Variants in MCM9 observed in about 807,000 individuals in gnomAD.
MCM9 encodes minichromosome maintenance 9 homologous recombination repair factor.
Under a neutral mutation model 72.8 loss-of-function variants are expected in MCM9, and 55 were observed. The ratio of observed to expected loss-of-function variants is 0.76; its 90% CI spans 0.61 to 0.95. The LOEUF (loss-of-function observed/expected upper bound fraction) is 0.95, where lower values mean the gene tolerates loss of function less well. MCM9 is among the 40% of genes least tolerant of loss of function. The pLI is 0.00. For missense variants in MCM9, 1,279 were observed against 1,377.0 expected, an observed-to-expected ratio of 0.93 and a Z score of 1.13; for synonymous variants, 480 against 503.4, an observed-to-expected ratio of 0.95 and a Z score of 0.62.
chr6:118,867,476 C>T (rs952073881), intron 8 of MCM9, among the ~76,000 whole-genome samples: 7 of 152,128 alleles, frequency 4.6e-5, no homozygotes, highest in East Asian at 1.9e-4. Flanking sequence ...ACTAATCCAG[C>T]GCAACTTCCA....
At position 118,931,718 on chromosome 6, in the gene MCM9, A is replaced by C. The variant is rs115231232; in HGVS notation, c.6T>G (p.Asn2Lys). 1.0e-5 allele frequency: 16 copies of C among 1,605,336 alleles called. No homozygotes were observed. In the East Asian group the frequency reaches 2.7e-4, roughly 27 times the overall value. M[N>K]SDQVTLVGQV... The stretch of plus-strand genomic sequence containing the variant: ...GACCAACCAGTGTAACTTGATCGCT[A>C]TTCATCTTGAATCTAGGTAACTAAA... Residue 2 changes from asparagine (N) to lysine (K), a missense_variant, in exon 3 of 14, where the codon AAT (asparagine) becomes AAG (lysine). By Grantham distance (94) the Asn-to-Lys change is moderately conservative (BLOSUM62 0). Transcript: ENST00000619706.
chr6:118,837,331 G>C (rs1411520644), intron 9 of MCM9, among the ~76,000 whole-genome samples: 1 of 152,210 alleles, frequency 6.6e-6, no homozygotes, highest in African/African-American at 2.4e-5. Flanking sequence ...GTGCTGAGAA[G>C]AATGTATATT....
At chr6:118,869,549 G>A (rs1274638937) in intron 8 of MCM9, among the ~76,000 whole-genome samples, 1 of 84,748 alleles carries the variant, frequency 1.2e-5, no homozygotes, top group East Asian at 4.0e-4. Flanking sequence ...AATATAGAAA[G>A]TCATCAAACC....
At chr6:118,887,186 T>C (rs1174869375) in intron 8 of MCM9, among the ~76,000 whole-genome samples, 1 of 152,014 alleles carries the variant, frequency 6.6e-6, no homozygotes, top group Admixed American at 6.5e-5. Context: ...ATAGCCAATA[T>C]TGAAAAAAAA....
Position 118,814,296 on chromosome 6 carries a change from T to A in MCM9, c.*528A>T, listed in dbSNP as rs1773275641. 1 of 148,622 alleles carries A rather than the reference T, an allele frequency of 6.7e-6. No homozygotes were observed. 9.2% of individuals were successfully genotyped at this position (148,622 alleles called of 1,614,324 possible). On this transcript the variant is annotated 3_prime_UTR_variant, in exon 14 of 14. Transcript: ENST00000619706. Reference sequence around the variant, plus strand: ...TCACATTTAACCTGATCCACACAAATCAATACAAAAATAATACTAGAAAAA... The same window carrying A: ...TCACATTTAACCTGATCCACACAAAACAATACAAAAATAATACTAGAAAAA...
chr6:118,916,974 A>G (rs1393942964), intron 6 of MCM9, among the ~76,000 whole-genome samples: 1 of 152,228 alleles, frequency 6.6e-6, no homozygotes, highest in Non-Finnish European at 1.5e-5. Context: ...GCACTTGAAG[A>G]TTTAATTGGT....
chr6:118,844,765 G>A (rs1397032103), intron 9 of MCM9, among the ~76,000 whole-genome samples: 1 of 151,792 alleles, frequency 6.6e-6, no homozygotes, highest in East Asian at 1.9e-4. Flanking sequence ...CTCATGAAGA[G>A]TTACCTCCTA....
At chr6:118,816,382 T>C in intron 13 of MCM9, 88 bp from the exon 14 acceptor site, 2 of 1,152,658 alleles carry the variant, frequency 1.7e-6, no homozygotes, top group Non-Finnish European at 2.3e-6. Context: ...TGAGATACCA[T>C]CTTAAAGATT....
Position 118,826,841 on chromosome 6 carries a change from C to G in MCM9, c.1756G>C (p.Asp586His), listed in dbSNP as rs1257396145. 6.5e-7 allele frequency: 1 copy of G among 1,550,318 alleles called. No homozygotes were observed. Among genetic ancestry groups the G allele is most frequent in the Non-Finnish European group, 8.7e-7 (1 of 1,146,892 alleles). ...AEAHARLMFRDTVTLEDAITV... is the reference protein window; with the variant it reads ...AEAHARLMFRHTVTLEDAITV... Reference sequence around the variant, plus strand: ...ATAGCGTCTTCCAGAGTTACAGTATCACGAAACATCAGGCGAGCATGAGCT... The same window carrying G: ...ATAGCGTCTTCCAGAGTTACAGTATGACGAAACATCAGGCGAGCATGAGCT... Residue 586 changes from aspartate to histidine, a missense_variant, in exon 12 of 14, where the codon GAT becomes CAT. By Grantham distance (81) the Asp-to-His change is moderately conservative (BLOSUM62 -1). Coordinates refer to ENST00000619706, the MANE Select transcript of MCM9 (RefSeq NM_017696.3).
intron 9 of MCM9, among the ~76,000 whole-genome samples, chr6:118,835,255 T>C (rs1406034251): frequency 6.6e-6 from 1 of 152,216 alleles, no homozygotes; most frequent in Non-Finnish European, 1.5e-5. Flanking sequence ...TACTGTAGCC[T>C]TGTAGTCTAG....
chr6:118,929,947 A>G (rs915210731), intron 3 of MCM9, among the ~76,000 whole-genome samples: 2 of 152,146 alleles, frequency 1.3e-5, no homozygotes, highest in African/African-American at 4.8e-5. Context: ...TTTCATTTAA[A>G]TTAAGTATTT....
intron 10 of MCM9, 107 bp from the exon 11 acceptor site, chr6:118,828,237 T>C (rs1278919105): frequency 1.1e-6 from 1 of 889,662 alleles, no homozygotes; most frequent in Non-Finnish European, 1.7e-6. Flanking sequence ...ATAACCTTCA[T>C]GTTTTGTGGT....
chr6:118,830,622 A>G (rs1774476477), intron 9 of MCM9, among the ~76,000 whole-genome samples: 1 of 152,346 alleles, frequency 6.6e-6, no homozygotes, highest in East Asian at 1.9e-4. Context: ...TTTAACCCAC[A>G]CTGAAGACGG....
intron 5 of MCM9, chr6:118,917,979 A>G: frequency 1.8e-6 from 1 of 550,856 alleles, no homozygotes; most frequent in South Asian, 2.5e-5. Context: ...AGCTGAAGTC[A>G]GTATTTCCTA....
At chr6:118,843,268 C>T (rs984296608) in intron 9 of MCM9, among the ~76,000 whole-genome samples, 1 of 151,794 alleles carries the variant, frequency 6.6e-6, no homozygotes, top group Non-Finnish European at 1.5e-5. Context: ...AAATGAGACA[C>T]TTAAGTGTGC....
At chr6:118,924,198 C>T (rs1781680950) in intron 3 of MCM9, 71 bp from the exon 4 acceptor site, 1 of 1,320,806 alleles carries the variant, frequency 7.6e-7, no homozygotes, top group East Asian at 2.3e-5. Context: ...ATATTCTTCT[C>T]CTATTTCCTG....
At chr6:118,882,316 C>T (rs1299895471) in intron 8 of MCM9, among the ~76,000 whole-genome samples, 5 of 152,136 alleles carry the variant, frequency 3.3e-5, no homozygotes, top group Admixed American at 3.3e-4. Context: ...TGAATCTTCC[C>T]CCACAAGAAA....
intron 8 of MCM9, among the ~76,000 whole-genome samples, chr6:118,880,285 T>G (rs1003591443): frequency 2.6e-5 from 4 of 152,120 alleles, no homozygotes; most frequent in African/African-American, 9.7e-5. Context: ...GACTAACATG[T>G]AGAAGTTTAC....
At chr6:118,852,057 C>T (rs1776260750) in intron 9 of MCM9, among the ~76,000 whole-genome samples, 1 of 152,176 alleles carries the variant, frequency 6.6e-6, no homozygotes, top group Admixed American at 6.5e-5. Context: ...GCCTACTATA[C>T]ACCTAGGCTA....
Sources: allele counts gnomAD v4.1 joint callset (sites outside exome capture counted in the v4.1 genomes callset), GRCh38; gene constraint gnomAD v4.1.1; transcripts MANE v1.5; gene names NCBI Gene and HGNC (gene_info 2026-07-23, HGNC 2026-07-21).